Variants in ADAMTSL1 observed in about 807,000 individuals in gnomAD.
The protein encoded by ADAMTSL1 is ADAMTS like 1.
A neutral mutation model predicts 201.8 loss-of-function variants in ADAMTSL1; 126 were observed. That is an observed-to-expected ratio of 0.62 (90% confidence interval 0.54 to 0.72). The LOEUF (loss-of-function observed/expected upper bound fraction) is 0.72. Ranked by LOEUF, ADAMTSL1 falls within the 30% of genes least tolerant of loss-of-function variation. The pLI is 0.00. For synonymous variants in ADAMTSL1, 1,121 were observed against 903.4 expected (o/e 1.24, Z -4.32); for missense variants, 2,679 against 2,277.8 (o/e 1.18, Z -3.59).
chr9:18,208,072 A>G (rs756218514), intron 2 of ADAMTSL1, among the ~76,000 whole-genome samples: 1 of 152,152 alleles, frequency 6.6e-6, no homozygotes, highest in Admixed American at 6.5e-5. Context: ...TTTCTTGCCT[A>G]TGAAATGGAG....
rs143459616 is a variant in ADAMTSL1, at chr9:18,738,901, T to C, written c.2007-14397T>C. Among the ~76,000 whole-genome samples the C allele has an allele frequency of 1.4e-3, 217 of 152,302 alleles. 3 individuals are homozygous for C. In the East Asian group the frequency reaches 0.036, roughly 25 times the overall value. The stretch of plus-strand genomic sequence containing the variant: ...ATTATAACAATGATAGCAATAATAA[T>C]GATGGCAGCTACCGCATGGTATTTT... On this transcript the variant is annotated intron_variant, in intron 15 of 28. Coordinates refer to ENST00000380548, the MANE Select transcript of ADAMTSL1 (RefSeq NM_001040272.6).
intron 1 of ADAMTSL1, among the ~76,000 whole-genome samples, chr9:18,502,089 C>G (rs148175189): frequency 6.6e-6 from 1 of 152,206 alleles, no homozygotes; most frequent in Non-Finnish European, 1.5e-5. Flanking sequence ...CAGAGGGAAA[C>G]TCTCCAAGGA....
At chr9:18,486,176 T>C (rs1360123739) in intron 1 of ADAMTSL1, among the ~76,000 whole-genome samples, 2 of 152,232 alleles carry the variant, frequency 1.3e-5, no homozygotes, top group Non-Finnish European at 2.9e-5. Flanking sequence ...AGTAATTTTA[T>C]TCAAGGCCTC....
intron 23 of ADAMTSL1, among the ~76,000 whole-genome samples, chr9:18,887,479 T>A (rs1828972136): frequency 6.6e-6 from 1 of 152,186 alleles, no homozygotes; most frequent in African/African-American, 2.4e-5. Flanking sequence ...AAGAAGGAAT[T>A]TCTGTCAGAA....
At chr9:18,447,757 T>C (rs1820250757) in intron 2 of ADAMTSL1, among the ~76,000 whole-genome samples, 1 of 152,140 alleles carries the variant, frequency 6.6e-6, no homozygotes, top group African/African-American at 2.4e-5. Context: ...CTCCGGAGAG[T>C]CTCATAAGCC....
chr9:18,290,052 G>C (rs541691789), intron 2 of ADAMTSL1, among the ~76,000 whole-genome samples: 25 of 152,258 alleles, frequency 1.6e-4, no homozygotes, highest in African/African-American at 5.8e-4. Context: ...GAGTGTGCCT[G>C]TGCCTTCCAA....
chr9:18,379,396 CT>C (rs1423794795), intron 2 of ADAMTSL1, among the ~76,000 whole-genome samples: 2 of 152,076 alleles, frequency 1.3e-5, no homozygotes, highest in East Asian at 1.9e-4. Flanking sequence ...AAGCAGTCAG[CT>C]TTTTTTTCCC....
At chr9:18,634,464 G>A (rs1290523751) in intron 5 of ADAMTSL1, among the ~76,000 whole-genome samples, 1 of 152,092 alleles carries the variant, frequency 6.6e-6, no homozygotes, top group Non-Finnish European at 1.5e-5. Flanking sequence ...TTGGGGTGCT[G>A]AAGTAGGAGG....
At chr9:18,607,502 G>C (rs1825099176) in intron 4 of ADAMTSL1, among the ~76,000 whole-genome samples, 1 of 151,602 alleles carries the variant, frequency 6.6e-6, no homozygotes, top group South Asian at 2.1e-4. Flanking sequence ...TTTAATTGAC[G>C]CTGTATTATG....
chr9:18,706,296 A>T (rs1299053296), intron 13 of ADAMTSL1, among the ~76,000 whole-genome samples: 1 of 152,192 alleles, frequency 6.6e-6, no homozygotes, highest in African/African-American at 2.4e-5. Context: ...TTAGTGTATA[A>T]TGAACAATAA....
At chr9:18,050,094 G>A (rs1016966881) in intron 1 of ADAMTSL1, among the ~76,000 whole-genome samples, 7 of 152,140 alleles carry the variant, frequency 4.6e-5, no homozygotes, top group Non-Finnish European at 8.8e-5. Flanking sequence ...AAATGTTAAT[G>A]TTTGGATTTT....
At chr9:18,641,728 C>G (rs1023101435) in intron 7 of ADAMTSL1, among the ~76,000 whole-genome samples, 11 of 151,854 alleles carry the variant, frequency 7.2e-5, no homozygotes, top group Non-Finnish European at 1.6e-4. Context: ...TTTTCTAGTA[C>G]TTCGTAATGA....
chr9:18,110,695 G>C (rs1439206375), intron 1 of ADAMTSL1, among the ~76,000 whole-genome samples: 1 of 152,102 alleles, frequency 6.6e-6, no homozygotes, highest in Non-Finnish European at 1.5e-5. Context: ...TAAGCTAAGT[G>C]GCAATGGCCC....
intron 2 of ADAMTSL1, among the ~76,000 whole-genome samples, chr9:18,290,420 C>T: frequency 6.6e-6 from 1 of 152,012 alleles, no homozygotes; most frequent in East Asian, 1.9e-4. Flanking sequence ...CCATAGATCA[C>T]ATGGACACCA....
intron 1 of ADAMTSL1, among the ~76,000 whole-genome samples, chr9:17,989,936 C>G (rs62551547): frequency 6.8e-6 from 1 of 147,564 alleles, no homozygotes; most frequent in African/African-American, 2.5e-5. Flanking sequence ...TTTTTTTTCC[C>G]AAACGTATTC....
chr9:18,450,704 C>T (rs1057234617), intron 2 of ADAMTSL1, among the ~76,000 whole-genome samples: 6 of 151,178 alleles, frequency 4.0e-5, no homozygotes, highest in Non-Finnish European at 8.8e-5. Context: ...ACTTACCAAA[C>T]TCCCTTTGCT....
At chr9:18,564,211 G>C (rs1203472035) in intron 3 of ADAMTSL1, among the ~76,000 whole-genome samples, 1 of 152,212 alleles carries the variant, frequency 6.6e-6, no homozygotes, top group Non-Finnish European at 1.5e-5. Context: ...GGCTGGGCCG[G>C]ATAGCACCGT....
At chr9:18,153,599 G>A (rs1278126417) in intron 1 of ADAMTSL1, among the ~76,000 whole-genome samples, 1 of 151,918 alleles carries the variant, frequency 6.6e-6, no homozygotes. Flanking sequence ...GAATGGGTGA[G>A]GACTGAAGCC....
intron 1 of ADAMTSL1, among the ~76,000 whole-genome samples, chr9:18,160,121 A>G (rs1827319655): frequency 6.6e-6 from 1 of 151,994 alleles, no homozygotes; most frequent in Non-Finnish European, 1.5e-5. Flanking sequence ...TCTATTCTGG[A>G]AGCTGGTGTT....
Sources: allele counts gnomAD v4.1 joint callset (sites outside exome capture counted in the v4.1 genomes callset), GRCh38; gene constraint gnomAD v4.1.1; transcripts MANE v1.5; gene names NCBI Gene and HGNC (gene_info 2026-07-23, HGNC 2026-07-21).